RANBP2: variants seen among roughly 807,000 people sequenced by gnomAD.
RANBP2 encodes the protein E3 SUMO-protein ligase RanBP2.
In RANBP2, 57 loss-of-function variants were observed where a neutral mutation model predicts 303.6. That is an observed-to-expected ratio of 0.19 (90% confidence interval 0.15 to 0.23). RANBP2 has a LOEUF of 0.23. RANBP2 is among the 10% of genes least tolerant of loss of function. RANBP2 has a pLI of 1.00. For synonymous variants in RANBP2, 1,167 were observed against 1,301.5 expected (o/e 0.90, Z 2.23); for missense variants, 3,138 against 3,780.8 (o/e 0.83, Z 4.46).
chr2:109,487,268 T>A, the RANBP2 span, among the ~76,000 whole-genome samples: 1 of 152,186 alleles, frequency 6.6e-6, no homozygotes, highest in African/African-American at 2.4e-5. Flanking sequence ...CCCAAATCAG[T>A]CTATGAGCCT....
At chr2:109,561,476 T>C in the RANBP2 span, among the ~76,000 whole-genome samples, 1 of 152,186 alleles carries the variant, frequency 6.6e-6, no homozygotes, top group African/African-American at 2.4e-5. Context: ...AAAATAATAG[T>C]AATCTCTAGC....
At chr2:109,112,475 G>A in the RANBP2 span, among the ~76,000 whole-genome samples, 1 of 152,044 alleles carries the variant, frequency 6.6e-6, no homozygotes, top group African/African-American at 2.4e-5. Flanking sequence ...CTTTTTGATG[G>A]GGTTGTTTGT....
chr2:108,868,690 A>G, the RANBP2 span, among the ~76,000 whole-genome samples: 1 of 152,204 alleles, frequency 6.6e-6, no homozygotes, highest in Admixed American at 6.5e-5. Context: ...AAGAACAGAT[A>G]TAATTGGCAC....
At chr2:109,653,481 T>C in the RANBP2 span, among the ~76,000 whole-genome samples, 1 of 152,046 alleles carries the variant, frequency 6.6e-6, no homozygotes, top group South Asian at 2.1e-4. Context: ...CTGGCAGTGC[T>C]GCTGGCTGCT....
the RANBP2 span, among the ~76,000 whole-genome samples, chr2:108,847,903 C>T: frequency 6.6e-6 from 1 of 152,094 alleles, no homozygotes; most frequent in South Asian, 2.1e-4. Context: ...TTACAATAGA[C>T]TAGGTGGTTA....
At chr2:109,346,614 G>A in the RANBP2 span, among the ~76,000 whole-genome samples, 1 of 113,850 alleles carries the variant, frequency 8.8e-6, no homozygotes, top group Non-Finnish European at 1.8e-5. Context: ...GGCCCATGAG[G>A]CCAGATGGAC....
the RANBP2 span, among the ~76,000 whole-genome samples, chr2:109,125,703 G>T: frequency 3.9e-5 from 6 of 152,352 alleles, no homozygotes; most frequent in Admixed American, 3.9e-4. Context: ...GAAATCCCCA[G>T]ATCTTTTTAG....
the RANBP2 span, among the ~76,000 whole-genome samples, chr2:109,711,084 C>A: frequency 6.6e-6 from 1 of 151,886 alleles, no homozygotes; most frequent in South Asian, 2.1e-4. Flanking sequence ...CTGCTGAGTT[C>A]CAGCTTCCTA....
the RANBP2 span, among the ~76,000 whole-genome samples, chr2:109,113,551 T>G: frequency 2.0e-5 from 3 of 152,216 alleles, no homozygotes; most frequent in African/African-American, 7.2e-5. Context: ...CAATGGGGTT[T>G]TCTAGATATA....
chr2:108,731,838 G>A (rs1387629626), intron 4 of RANBP2: 1 of 222,676 alleles, frequency 4.5e-6, no homozygotes, highest in Admixed American at 5.3e-5. Flanking sequence ...TTAAAGAAGT[G>A]TTTTCTAATA....
the RANBP2 span, among the ~76,000 whole-genome samples, chr2:108,968,209 T>G: frequency 6.6e-6 from 1 of 152,124 alleles, no homozygotes; most frequent in Admixed American, 6.5e-5. Context: ...ACCAGCTGCA[T>G]CAGCATCGCC....
the RANBP2 span, among the ~76,000 whole-genome samples, chr2:109,473,242 C>T: frequency 1.3e-5 from 2 of 152,328 alleles, no homozygotes; most frequent in African/African-American, 2.4e-5. Flanking sequence ...TGGCCCCATT[C>T]GACGCCTGGG....
chr2:109,511,165 G>A, the RANBP2 span, among the ~76,000 whole-genome samples: 7 of 152,306 alleles, frequency 4.6e-5, no homozygotes, highest in Non-Finnish European at 8.8e-5. Context: ...TCCAAAGGCC[G>A]CACTCCTAAC....
the RANBP2 span, among the ~76,000 whole-genome samples, chr2:109,141,268 G>A: frequency 7.2e-5 from 11 of 152,280 alleles, no homozygotes; most frequent in South Asian, 2.1e-4. Context: ...TGGGCCGTGC[G>A]CATTCCTGGC....
the RANBP2 span, among the ~76,000 whole-genome samples, chr2:109,236,696 C>T: frequency 6.6e-6 from 1 of 152,162 alleles, no homozygotes; most frequent in Non-Finnish European, 1.5e-5. Context: ...AAGGAAATCC[C>T]AGGTGACACT....
chr2:109,710,217 A>C, the RANBP2 span, among the ~76,000 whole-genome samples: 3 of 151,352 alleles, frequency 2.0e-5, no homozygotes, highest in Non-Finnish European at 4.4e-5. Flanking sequence ...ACCCATCTCT[A>C]CTAAAAATTC....
chr2:108,939,905 T>G, the RANBP2 span, among the ~76,000 whole-genome samples: 1 of 152,146 alleles, frequency 6.6e-6, no homozygotes, highest in Non-Finnish European at 1.5e-5. Context: ...GTTGGCACCT[T>G]AAAGTATTTG....
At chr2:109,533,199 T>C in the RANBP2 span, among the ~76,000 whole-genome samples, 1 of 152,134 alleles carries the variant, frequency 6.6e-6, no homozygotes, top group South Asian at 2.1e-4. Context: ...GAAAAATCCA[T>C]ATACCAATGT....
At chr2:109,083,536 A>G in the RANBP2 span, among the ~76,000 whole-genome samples, 40 of 152,112 alleles carry the variant, frequency 2.6e-4, no homozygotes, top group Non-Finnish European at 5.0e-4. Context: ...TTATTCATTC[A>G]TCCTCTGATG....
Sources: allele counts gnomAD v4.1 joint callset (sites outside exome capture counted in the v4.1 genomes callset), GRCh38; gene constraint gnomAD v4.1.1; transcripts MANE v1.5; gene names NCBI Gene and HGNC (gene_info 2026-07-23, HGNC 2026-07-21).